The following EXOC4 variants were observed in gnomAD, a reference collection of about 807,000 sequenced individuals.
The protein encoded by EXOC4 is SEC8-like 1.
EXOC4 carries 71 observed loss-of-function variants against 107.2 expected under a neutral mutation model. The ratio of observed to expected loss-of-function variants is 0.66; its 90% confidence interval spans 0.55 to 0.81. EXOC4 has a LOEUF of 0.81. Among genes scored for constraint, EXOC4 ranks in the 30% least tolerant of loss-of-function variants. The pLI is 0.00. For missense variants in EXOC4, 1,108 were observed against 1,189.6 expected (o/e 0.93, Z 1.01); for synonymous variants, 456 against 441.2 (o/e 1.03, Z -0.42).
At chr7:133,904,323 T>C (rs973377781) in intron 12 of EXOC4, among the ~76,000 whole-genome samples, 3 of 152,134 alleles carry the variant, frequency 2.0e-5, no homozygotes, top group African/African-American at 7.2e-5. Flanking sequence ...ACTGGAGTGA[T>C]TGGTTTAGGC....
intron 2 of EXOC4, among the ~76,000 whole-genome samples, chr7:133,276,526 A>G (rs772306667): frequency 1.2e-4 from 19 of 152,134 alleles, no homozygotes; most frequent in Non-Finnish European, 2.4e-4. Context: ...GGCATTTTTA[A>G]AGCAGCAGAA....
intron 7 of EXOC4, among the ~76,000 whole-genome samples, chr7:133,466,871 G>A (rs552496201): frequency 6.6e-6 from 1 of 152,228 alleles, no homozygotes; most frequent in South Asian, 2.1e-4. Context: ...AAGAACCAAA[G>A]TCACATAATC....
chr7:133,566,242 T>C (rs184667215), intron 9 of EXOC4, among the ~76,000 whole-genome samples: 80 of 152,316 alleles, frequency 5.3e-4, no homozygotes, highest in African/African-American at 1.9e-3. Flanking sequence ...AACCTTAAAC[T>C]CATCTGTGCT....
intron 9 of EXOC4, among the ~76,000 whole-genome samples, chr7:133,513,910 T>A (rs1046212412): frequency 2.8e-4 from 43 of 152,272 alleles, no homozygotes; most frequent in African/African-American, 1.0e-3. Context: ...GGACAGTAAT[T>A]GGACAGAGGA....
chr7:134,095,731 T>G, the EXOC4 span, among the ~76,000 whole-genome samples: 1 of 152,196 alleles, frequency 6.6e-6, no homozygotes, highest in Non-Finnish European at 1.5e-5. Flanking sequence ...AAAGACTTCC[T>G]ATTCAATAAA....
intron 11 of EXOC4, among the ~76,000 whole-genome samples, chr7:133,835,614 AT>A (rs1314619615): frequency 6.6e-6 from 1 of 152,192 alleles, no homozygotes; most frequent in Non-Finnish European, 1.5e-5. Context: ...CTCCCTTTAG[AT>A]TAGTGAATTG....
chr7:134,057,936 C>G (rs768967823), intron 17 of EXOC4, among the ~76,000 whole-genome samples: 2 of 152,186 alleles, frequency 1.3e-5, no homozygotes, highest in Non-Finnish European at 2.9e-5. Flanking sequence ...AAGACTTAAC[C>G]AGAATCTGAG....
At chr7:133,707,446 C>A (rs1794792592) in intron 10 of EXOC4, among the ~76,000 whole-genome samples, 1 of 150,498 alleles carries the variant, frequency 6.6e-6, no homozygotes, top group Admixed American at 6.6e-5. Context: ...TTTCCCTCCA[C>A]AAGAGTCTAC....
intron 9 of EXOC4, among the ~76,000 whole-genome samples, chr7:133,502,538 G>T (rs1422319428): frequency 5.9e-5 from 9 of 152,028 alleles, no homozygotes; most frequent in Admixed American, 5.9e-4. Flanking sequence ...TTTTGTGTGT[G>T]GGGGGAGTCT....
At chr7:134,093,976 A>T in the EXOC4 span, among the ~76,000 whole-genome samples, 1 of 152,344 alleles carries the variant, frequency 6.6e-6, no homozygotes, top group South Asian at 2.1e-4. Flanking sequence ...AGTTATAAAG[A>T]TCTCAAATTA....
At chr7:133,777,022 A>G (rs1418913834) in intron 10 of EXOC4, among the ~76,000 whole-genome samples, 2 of 152,194 alleles carry the variant, frequency 1.3e-5, no homozygotes, top group Non-Finnish European at 2.9e-5. Flanking sequence ...TTTGTTCTAA[A>G]TACAGGACCA....
intron 10 of EXOC4, among the ~76,000 whole-genome samples, chr7:133,650,612 C>T (rs901496019): frequency 6.6e-6 from 1 of 152,040 alleles, no homozygotes; most frequent in Non-Finnish European, 1.5e-5. Context: ...GTAGCTGTTT[C>T]AAGGTCCCTA....
chr7:133,459,931 G>T (rs920137508), intron 7 of EXOC4, among the ~76,000 whole-genome samples: 2 of 152,202 alleles, frequency 1.3e-5, no homozygotes, highest in East Asian at 1.9e-4. Flanking sequence ...TTAAATAAAA[G>T]ATCAAAATAA....
At chr7:133,743,460 G>A (rs77599145) in intron 10 of EXOC4, among the ~76,000 whole-genome samples, 1 of 152,194 alleles carries the variant, frequency 6.6e-6, no homozygotes, top group Non-Finnish European at 1.5e-5. Flanking sequence ...CCCCTTAGCA[G>A]CTGTGCCATT....
intron 7 of EXOC4, among the ~76,000 whole-genome samples, chr7:133,423,745 G>C (rs1797656778): frequency 6.6e-6 from 1 of 152,162 alleles, no homozygotes; most frequent in Non-Finnish European, 1.5e-5. Context: ...GGGAGGTGTG[G>C]AGGGAGAGGC....
intron 10 of EXOC4, among the ~76,000 whole-genome samples, chr7:133,772,240 G>C (rs903132453): frequency 6.6e-6 from 1 of 152,024 alleles, no homozygotes; most frequent in African/African-American, 2.4e-5. Context: ...GCATTTTGCA[G>C]ACAGAGATGT....
chr7:133,411,513 G>A (rs561010176), intron 7 of EXOC4, among the ~76,000 whole-genome samples: 36 of 152,036 alleles, frequency 2.4e-4, no homozygotes, highest in Non-Finnish European at 4.3e-4. Flanking sequence ...TCATTTATGC[G>A]TTGAAAAGAC....
chr7:133,475,973 T>C (rs1480759990), intron 8 of EXOC4, among the ~76,000 whole-genome samples: 1 of 152,136 alleles, frequency 6.6e-6, no homozygotes, highest in South Asian at 2.1e-4. Flanking sequence ...GTGCCCAAAG[T>C]GTATATCTCT....
chr7:133,919,977 G>A (rs899618301), intron 13 of EXOC4, among the ~76,000 whole-genome samples: 1 of 152,174 alleles, frequency 6.6e-6, no homozygotes. Flanking sequence ...GTATTCCAAA[G>A]TGGTTGTATC....
Sources: allele counts gnomAD v4.1 joint callset (sites outside exome capture counted in the v4.1 genomes callset), GRCh38; gene constraint gnomAD v4.1.1; transcripts MANE v1.5; gene names NCBI Gene and HGNC (gene_info 2026-07-23, HGNC 2026-07-21).